The following TNIK variants were observed in gnomAD, a reference collection of about 807,000 sequenced individuals.
TNIK encodes the protein TRAF2 and NCK interacting kinase, also known as TRAF2 and NCK-interacting protein kinase.
Under a neutral mutation model 191.3 loss-of-function variants are expected in TNIK, and 49 were observed. The ratio of observed to expected loss-of-function variants is 0.26; its 90% confidence interval spans 0.20 to 0.32. TNIK has a LOEUF of 0.32. Ranked by LOEUF, TNIK falls within the 10% of genes least tolerant of loss-of-function variation. The probability of loss-of-function intolerance (pLI) is 1.00; values close to 1 mark genes in which losing one functional copy is unlikely to be tolerated. For missense variants in TNIK, 1,155 were observed against 1,702.3 expected (o/e 0.68, Z 5.66); for synonymous variants, 594 against 600.9 (o/e 0.99, Z 0.17).
intron 5 of TNIK, among the ~76,000 whole-genome samples, chr3:171,191,613 T>C (rs1301726168): frequency 2.0e-5 from 3 of 152,258 alleles, no homozygotes; most frequent in Non-Finnish European, 4.4e-5. Context: ...GCTTTACCCA[T>C]TGTGCCTTAC....
At chr3:171,443,747 C>A (rs1028612390) in intron 1 of TNIK, among the ~76,000 whole-genome samples, 70 of 152,046 alleles carry the variant, frequency 4.6e-4, no homozygotes, top group Non-Finnish European at 1.0e-4. Context: ...TCACTTGTAC[C>A]CAGAAGTTTG....
At chr3:171,229,010 TTGC>T (rs1743293837) in intron 2 of TNIK, among the ~76,000 whole-genome samples, 1 of 152,246 alleles carries the variant, frequency 6.6e-6, no homozygotes, top group Non-Finnish European at 1.5e-5. Flanking sequence ...ATTTTACTTA[TTGC>T]TGCTATCAGG....
chr3:171,260,390 A>T (rs575258104), intron 2 of TNIK, among the ~76,000 whole-genome samples: 81 of 152,262 alleles, frequency 5.3e-4, no homozygotes, highest in Admixed American at 2.2e-3. Flanking sequence ...AGTGTCACTG[A>T]ATAACTTTTT....
At chr3:171,200,507 C>T (rs1228469490) in intron 4 of TNIK, among the ~76,000 whole-genome samples, 2 of 152,196 alleles carry the variant, frequency 1.3e-5, no homozygotes, top group Non-Finnish European at 2.9e-5. Flanking sequence ...TCATGTTTCT[C>T]GTAGGATGTT....
At chr3:171,077,546 C>A (rs949082501) in intron 28 of TNIK, among the ~76,000 whole-genome samples, 1 of 152,138 alleles carries the variant, frequency 6.6e-6, no homozygotes, top group African/African-American at 2.4e-5. Context: ...GGACATCAGT[C>A]TTTTCTGGCC....
At chr3:171,224,250 A>G (rs899116402) in intron 3 of TNIK, among the ~76,000 whole-genome samples, 1 of 152,152 alleles carries the variant, frequency 6.6e-6, no homozygotes, top group African/African-American at 2.4e-5. Context: ...AAGCTAGTAA[A>G]TTCCCTTTTC....
chr3:171,204,721 G>A (rs113577232), intron 4 of TNIK, among the ~76,000 whole-genome samples: 6 of 152,280 alleles, frequency 3.9e-5, no homozygotes, highest in African/African-American at 1.4e-4. Flanking sequence ...GGTAAATAGA[G>A]GAGTACAGAT....
At chr3:171,364,573 C>T (rs1237304569) in intron 2 of TNIK, among the ~76,000 whole-genome samples, 1 of 152,130 alleles carries the variant, frequency 6.6e-6, no homozygotes, top group African/African-American at 2.4e-5. Flanking sequence ...ATAGTGATGG[C>T]CTAGACAGAC....
At position 171,310,932 on chromosome 3, in the gene TNIK, C is replaced by T. The variant is rs375549106; in HGVS notation, c.123+58688G>A. 7.9e-4 allele frequency among the ~76,000 whole-genome samples: 120 copies of T among 152,244 alleles called. 1 individual carries two copies. In the South Asian group the frequency reaches 0.021, roughly 27 times the overall value. ...AGGAATATATCAAGCACTTATGAAA[C>T]ATGTGCTTCCCAGTTAATTCAGATC... On this transcript the variant is annotated intron_variant, in intron 2 of 32. Coordinates refer to ENST00000436636, the MANE Select transcript of TNIK (RefSeq NM_015028.4).
chr3:171,117,462 C>T (rs1390779136), intron 18 of TNIK, among the ~76,000 whole-genome samples: 2 of 133,294 alleles, frequency 1.5e-5, no homozygotes, highest in African/African-American at 5.7e-5. Flanking sequence ...ACAGTCAACA[C>T]CTCACAGAGT....
intron 1 of TNIK, among the ~76,000 whole-genome samples, chr3:171,439,350 A>G (rs1726457051): frequency 6.6e-6 from 1 of 151,736 alleles, no homozygotes; most frequent in Non-Finnish European, 1.5e-5. Context: ...TCTCAAAAAA[A>G]AAAAAAGAAA....
chr3:171,453,931 G>A (rs1344354680), intron 1 of TNIK, among the ~76,000 whole-genome samples: 2 of 152,182 alleles, frequency 1.3e-5, no homozygotes, highest in Non-Finnish European at 2.9e-5. Flanking sequence ...GGAATCACAA[G>A]CGGAATTCAT....
chr3:171,084,516 A>C (rs999536569), intron 25 of TNIK, among the ~76,000 whole-genome samples, 191 bp from the exon 26 acceptor site: 2 of 152,188 alleles, frequency 1.3e-5, no homozygotes, highest in Non-Finnish European at 1.5e-5. Flanking sequence ...CATCAAAGGA[A>C]TCTTTTATTC....
At chr3:171,279,391 T>G (rs1750166259) in intron 2 of TNIK, among the ~76,000 whole-genome samples, 1 of 152,234 alleles carries the variant, frequency 6.6e-6, no homozygotes, top group South Asian at 2.1e-4. Flanking sequence ...TTTAGGCTTT[T>G]GGTCAAATTG....
chr3:171,319,401 G>A (rs937625476), intron 2 of TNIK, among the ~76,000 whole-genome samples: 2 of 152,094 alleles, frequency 1.3e-5, no homozygotes, highest in African/African-American at 4.8e-5. Context: ...AAATTACAAA[G>A]AGTGTTTTTC....
At chr3:171,337,980 C>CAATCG (rs1757128757) in intron 2 of TNIK, among the ~76,000 whole-genome samples, 1 of 152,144 alleles carries the variant, frequency 6.6e-6, no homozygotes, top group Non-Finnish European at 1.5e-5. Context: ...GGGAGAGAAG[C>CAATCG]TGTTCTAACC....
At chr3:171,329,677 T>A (rs1756200606) in intron 2 of TNIK, among the ~76,000 whole-genome samples, 1 of 152,212 alleles carries the variant, frequency 6.6e-6, no homozygotes, top group Non-Finnish European at 1.5e-5. Flanking sequence ...AGTCATTAGC[T>A]AACAATCAAC....
intron 1 of TNIK, among the ~76,000 whole-genome samples, chr3:171,388,078 C>T (rs1467481058): frequency 1.3e-5 from 2 of 152,156 alleles, no homozygotes; most frequent in African/African-American, 4.8e-5. Flanking sequence ...TGACCATCTC[C>T]AGGAGTGATA....
chr3:171,297,738 T>TA (rs1752461402), intron 2 of TNIK, among the ~76,000 whole-genome samples: 1 of 152,192 alleles, frequency 6.6e-6, no homozygotes, highest in African/African-American at 2.4e-5. Flanking sequence ...ATTTTAAGTG[T>TA]AAAAAATGAA....
Sources: gnomAD v4.1 joint callset for allele counts (sites outside exome capture counted in the v4.1 genomes callset) on GRCh38, gnomAD v4.1.1 for gene constraint, MANE v1.5 for transcripts, NCBI Gene and HGNC (gene_info 2026-07-23, HGNC 2026-07-21) for gene names.